The following CNOT3 variants were observed in gnomAD, a reference collection of about 807,000 sequenced individuals.
CNOT3 encodes CCR4-NOT transcription complex subunit 3.
In CNOT3, 2 loss-of-function variants were observed where a neutral mutation model predicts 89.4. That is an observed-to-expected ratio of 0.02 (90% CI 0.01 to 0.07). The LOEUF (loss-of-function observed/expected upper bound fraction) is 0.07, where lower values mean the gene tolerates loss of function less well. Ranked by LOEUF, CNOT3 falls within the 10% of genes least tolerant of loss-of-function variation. The pLI is 1.00. For missense variants in CNOT3, 664 were observed against 1,010.2 expected, an observed-to-expected ratio of 0.66 and a Z score of 4.65; for synonymous variants, 486 against 402.0, an observed-to-expected ratio of 1.21 and a Z score of -2.50.
At position 54,148,560 on chromosome 19, in the gene CNOT3, G is replaced by A. The variant is rs765862398; in HGVS notation, c.1282+25G>A. The A allele has an allele frequency of 3.2e-6, 5 of 1,578,638 alleles. No homozygotes were observed. The highest frequency in any genetic ancestry group is 3.5e-6 in the Non-Finnish European group (4 of 1,158,862). The stretch of plus-strand genomic sequence containing the variant: ...AGTGAGTGAGGAGGCAGCGGGGTGG[G>A]GGGCGTGGGCGGGGCTGGGCAGCAG... On this transcript the variant is annotated intron_variant, in intron 11 of 17. Transcript: ENST00000221232. This position sits in a 1 kb window ranked among gnomAD's most constrained non-coding sequence, Gnocchi z 6.3.
At chr19:54,153,053 C>T (rs533321933) in intron 16 of CNOT3, 54 bp downstream of exon 16, 49 of 1,555,938 alleles carry the variant, frequency 3.1e-5, no homozygotes, top group African/African-American at 9.5e-5. Context: ...CCGCCACCGC[C>T]GCCGTCCCCC....
At chr19:54,149,400 G>GC (rs2074916569) in intron 12 of CNOT3, among the ~76,000 whole-genome samples, 160 bp from the exon 13 acceptor site, 1 of 152,064 alleles carries the variant, frequency 6.6e-6, no homozygotes, top group East Asian at 1.9e-4. Context: ...GCCTTTGTTT[G>GC]CCCAGAGAAC....
In CNOT3 at chr19:54,152,776, C is replaced by T; in HGVS notation, c.1905-91C>T. ...CACCGCCCTGGGTCTTTCTGTACCA[C>T]CTCCCCCCGCAGGGATGCATGTCTG... On this transcript the variant is annotated intron_variant, in intron 15 of 17. Transcript: ENST00000221232. 6 of 851,540 alleles carry T rather than the reference C, an allele frequency of 7.0e-6. No homozygotes were observed. The South Asian group carries it at 9.0e-5, about 13-fold the overall frequency. 52.7% of individuals were successfully genotyped at this position (851,540 alleles called of 1,614,324 possible). A position where few individuals can be genotyped will look rare whatever the true frequency, so the allele number is the denominator to read the frequency against.
chr19:54,154,139 C>G (rs1357793170), intron 17 of CNOT3: 1 of 629,820 alleles, frequency 1.6e-6, no homozygotes, highest in South Asian at 1.6e-5. Context: ...GGCACACTCG[C>G]CTGGGGTGTG....
intron 13 of CNOT3, among the ~76,000 whole-genome samples, chr19:54,151,984 G>A (rs375428698): frequency 1.3e-5 from 2 of 152,240 alleles, no homozygotes; most frequent in Admixed American, 6.5e-5. Flanking sequence ...AAATCTCGGC[G>A]TAGTATTCCA....
chr19:54,153,681 C>T, intron 16 of CNOT3, 34 bp from the exon 17 acceptor site: 1 of 1,600,574 alleles, frequency 6.2e-7, no homozygotes, highest in Non-Finnish European at 8.6e-7. Context: ...GTTTGGGGGC[C>T]CCCTGATCCC....
chr19:54,139,671 A>C (rs36641), intron 1 of CNOT3, among the ~76,000 whole-genome samples: 42,186 of 152,034 alleles, frequency 0.28, 6,293 homozygotes, highest in East Asian at 0.47. Context: ...GCCCCCGGCT[A>C]ATGCTTCCAA....
rs578084662 is a variant in CNOT3, at chr19:54,153,276, C to G, written c.2037+277C>G. 3.7e-4 allele frequency: 283 copies of G among 762,174 alleles called. 2 individuals are homozygous for G. In the African/African-American group the frequency reaches 4.1e-3, roughly 11 times the overall value. The allele number at this position is 762,174 out of a possible 1,614,324, so 47.2% of individuals were successfully genotyped here. ...CAGTTGCCCACTGGCTCACCCGCGGCCCCTCCCCAGCCCTGCTCCAGCAGC... is the reference window on the plus strand; with the variant it reads ...CAGTTGCCCACTGGCTCACCCGCGGGCCCTCCCCAGCCCTGCTCCAGCAGC... On this transcript the variant is annotated intron_variant, in intron 16 of 17. Coordinates refer to ENST00000221232, the MANE Select transcript of CNOT3 (RefSeq NM_014516.4).
chr19:54,142,846 T>A, intron 1 of CNOT3, 83 bp from the exon 2 acceptor site: 1 of 863,786 alleles, frequency 1.2e-6, no homozygotes, highest in Non-Finnish European at 1.9e-6. Context: ...CCCACCTACC[T>A]CACTATGCTG....
At chr19:54,152,111 C>G in intron 13 of CNOT3, 115 bp from the exon 14 acceptor site, 1 of 1,004,390 alleles carries the variant, frequency 1.0e-6, no homozygotes, top group Non-Finnish European at 1.5e-6. Context: ...GGGAGTGGGT[C>G]GTTGGCCCTC....
chr19:54,142,313 T>TC (rs1169212921), intron 1 of CNOT3: 1 of 153,706 alleles, frequency 6.5e-6, no homozygotes, highest in Non-Finnish European at 1.4e-5. Flanking sequence ...GTGGTTTGAG[T>TC]CCCTTCTACT....
In CNOT3 at chr19:54,148,180, C is replaced by A; in HGVS notation, c.927C>A (p.His309Gln). ...CCAAAAACGGCTCCAAGCCTGTCCACAGCAACCAGCACCCTCAGTCCCCAG... is the reference window on the plus strand; with the variant it reads ...CCAAAAACGGCTCCAAGCCTGTCCAAAGCAACCAGCACCCTCAGTCCCCAG... ...SPAKNGSKPV[H>Q]SNQHPQSPAV... Residue 309 changes from histidine (H) to glutamine (Q), a missense_variant, in exon 11 of 18, where the codon CAC becomes CAA. Transcript: ENST00000221232. This position sits in a 1 kb window ranked among gnomAD's most constrained non-coding sequence, Gnocchi z 6.3. 1.9e-6 allele frequency: 3 copies of A among 1,562,176 alleles called. No homozygotes were observed. The highest frequency in any genetic ancestry group is 1.2e-5 in the South Asian group (1 of 82,776).
chr19:54,141,493 G>A (rs1215038289), intron 1 of CNOT3: 1 of 152,184 alleles, frequency 6.6e-6, no homozygotes, highest in Non-Finnish European at 1.5e-5. Context: ...CACATGTGGT[G>A]ATTAGTAACT....
chr19:54,155,433 C>T lies in CNOT3; in HGVS notation c.*26C>T, dbSNP rs1403273004. 6.8e-7 allele frequency: 1 copy of T among 1,471,782 alleles called. No homozygotes were observed. The highest frequency in any genetic ancestry group is 1.9e-5 in the Admixed American group (1 of 52,274). 91.2% of individuals were successfully genotyped at this position (1,471,782 alleles called of 1,614,324 possible). On this transcript the variant is annotated 3_prime_UTR_variant, in exon 18 of 18. Coordinates refer to ENST00000221232, the MANE Select transcript of CNOT3 (RefSeq NM_014516.4). ...CACCGGCCCCTCCCTCTACCCACCC[C>T]CTTCCCCCGCATGCTGATCCCCCTG... is the stretch of plus-strand genomic sequence containing the variant.
At chr19:54,143,382 T>G in intron 3 of CNOT3, 60 bp from the exon 4 acceptor site, 1 of 1,539,338 alleles carries the variant, frequency 6.5e-7, no homozygotes, top group Non-Finnish European at 9.0e-7. Context: ...GAAGAATCAC[T>G]GGAGTGGGTA....
In CNOT3 at chr19:54,148,284, C is replaced by T. The variant is rs1342695220; in HGVS notation, c.1031C>T (p.Pro344Leu). The T allele has an allele frequency of 3.1e-6, 5 of 1,608,260 alleles. No homozygotes were observed. The East Asian group carries it at 9.0e-5, about 29-fold the overall frequency. Residue 344 changes from proline to leucine, a missense_variant, in exon 11 of 18, where the codon CCC becomes CTC. Around this residue, in one of 8 missense-constraint regions of CNOT3, gnomAD observed 545 missense variants for 566.2 expected, o/e 0.96. Coordinates refer to ENST00000221232, the MANE Select transcript of CNOT3 (RefSeq NM_014516.4). The surrounding 1 kb of genome is among the most constrained non-coding windows in gnomAD (Gnocchi z 6.3). ...LSTTPGNNGV[P>L]APAAPPSALG... ...ACCACTCCTGGCAACAATGGGGTCC[C>T]CGCCCCCGCAGCACCCCCAAGTGCC...
Position 54,143,425 on chromosome 19 carries a change from T to TTC in CNOT3, c.94-12_94-11dup. ...ATCCCCTCCCACACTGACTTCTCAA[T>TTC]TCTCTCCATCCCTCAGCTCCACAAT... On this transcript the variant is annotated splice_polypyrimidine_tract_variant and intron_variant, in intron 3 of 17. Transcript: ENST00000221232. 2 of 1,613,558 alleles carry TTC rather than the reference T, an allele frequency of 1.2e-6. No individual in the cohort carries two copies. The highest frequency in any genetic ancestry group is 1.7e-4 in the Middle Eastern group (1 of 6,018).
intron 1 of CNOT3, among the ~76,000 whole-genome samples, chr19:54,138,352 C>T (rs1290131143): frequency 6.6e-6 from 1 of 152,130 alleles, no homozygotes; most frequent in African/African-American, 2.4e-5. Context: ...CCGCCCCTCT[C>T]CGCGTCGGTA....
rs752832862 is a variant in CNOT3, at chr19:54,143,013, T to G, written c.25+10T>G. On this transcript the variant is annotated intron_variant, in intron 2 of 17. Transcript: ENST00000221232. ...AAGCGCAAACTCCAAGGTACTAGACTGACTTCCTGCTGCACCTGTAGCCAC... is the reference window on the plus strand; with the variant it reads ...AAGCGCAAACTCCAAGGTACTAGACGGACTTCCTGCTGCACCTGTAGCCAC... 3.1e-6 allele frequency: 5 copies of G among 1,613,956 alleles called. No individual in the cohort carries two copies. Among genetic ancestry groups the G allele is most frequent in the African/African-American group, 1.3e-5 (1 of 74,940 alleles).
Sources: allele counts gnomAD v4.1 joint callset (sites outside exome capture counted in the v4.1 genomes callset), GRCh38; gene constraint gnomAD v4.1.1; regional missense constraint gnomAD v4.1.1; non-coding constraint Gnocchi (gnomAD v3.1); transcripts MANE v1.5; gene names NCBI Gene and HGNC (gene_info 2026-07-23, HGNC 2026-07-21).